The following MYOZ2 variants were observed in gnomAD, a reference collection of about 807,000 sequenced individuals.
MYOZ2 encodes the protein myozenin-2.
In MYOZ2, 19 loss-of-function variants were observed where a neutral mutation model predicts 25.4. The observed-to-expected ratio is 0.75, with a 90% CI of 0.52 to 1.10. MYOZ2 has a LOEUF of 1.10. Ranked by LOEUF, MYOZ2 falls within the 50% of genes least tolerant of loss-of-function variation. The pLI, the probability that MYOZ2 is intolerant of heterozygous loss-of-function variation, is 0.00. For synonymous variants in MYOZ2, 92 were observed against 106.9 expected, an observed-to-expected ratio of 0.86 and a Z score of 0.86; for missense variants, 270 against 317.9, an observed-to-expected ratio of 0.85 and a Z score of 1.15.
At chr4:119,150,423 C>T (rs1245252801) in intron 2 of MYOZ2, among the ~76,000 whole-genome samples, 11 of 151,424 alleles carry the variant, frequency 7.3e-5, no homozygotes, top group Non-Finnish European at 1.3e-4. Flanking sequence ...GTATTTTGAC[C>T]GAGTCTGGGA....
rs62326338 is a variant in MYOZ2 at position 119,166,742 on chromosome 4, G to A, written c.560+2348G>A. ...TGGTGCCATTTTTCCAACATCATGT[G>A]CTCACTTTGGTAATTGTCACAATAT... On this transcript the variant is annotated intron_variant, in intron 5 of 5. Coordinates refer to ENST00000307128, the MANE Select transcript of MYOZ2 (RefSeq NM_016599.5). Among the ~76,000 whole-genome samples the A allele has an allele frequency of 9.0e-3, 1,368 of 152,184 alleles. 10 individuals are homozygous for A. Among genetic ancestry groups the A allele is most frequent in the Middle Eastern group, 0.014 (4 of 294 alleles).
intron 5 of MYOZ2, among the ~76,000 whole-genome samples, chr4:119,166,890 T>C (rs892867921): frequency 6.6e-6 from 1 of 152,224 alleles, no homozygotes; most frequent in Non-Finnish European, 1.5e-5. Context: ...ACTTAATCAA[T>C]ACATGTTGTG....
At chr4:119,157,636 C>T (rs1296003021) in intron 3 of MYOZ2, among the ~76,000 whole-genome samples, 1 of 152,090 alleles carries the variant, frequency 6.6e-6, no homozygotes, top group African/African-American at 2.4e-5. Flanking sequence ...AGGCCAAATG[C>T]TTAGCCAGTA....
chr4:119,186,274 G>A lies in MYOZ2; in HGVS notation c.*74G>A. On this transcript the variant is annotated 3_prime_UTR_variant, in exon 6 of 6. Transcript: ENST00000307128. ...TTCTACTATTTTAACTACTGGCAAA[G>A]CCACTTGCATTTTTCATTAGTAGCA... 1 of 1,232,232 alleles carries A rather than the reference G, an allele frequency of 8.1e-7. No homozygotes were observed. Among genetic ancestry groups the A allele is most frequent in the Non-Finnish European group, 1.2e-6 (1 of 856,932 alleles). The allele number at this position is 1,232,232 out of a possible 1,614,324, so 76.3% of individuals were successfully genotyped here.
intron 3 of MYOZ2, among the ~76,000 whole-genome samples, chr4:119,155,833 T>A (rs1741560841): frequency 6.6e-6 from 1 of 152,036 alleles, no homozygotes; most frequent in South Asian, 2.1e-4. Flanking sequence ...CATGATAAAG[T>A]ATGAGCAATG....
At chr4:119,152,969 A>G (rs966693318) in intron 3 of MYOZ2, among the ~76,000 whole-genome samples, 2 of 152,102 alleles carry the variant, frequency 1.3e-5, no homozygotes, top group Non-Finnish European at 2.9e-5. Flanking sequence ...TGGTGTAATT[A>G]AAGGAAAATC....
At position 119,187,621 on chromosome 4, in the gene MYOZ2, T is replaced by A. The variant is rs1742335073; in HGVS notation, c.*1421T>A. On this transcript the variant is annotated 3_prime_UTR_variant, in exon 6 of 6. Coordinates refer to ENST00000307128, the MANE Select transcript of MYOZ2 (RefSeq NM_016599.5). ...ATATTATTGTAGAGAATTTGTATAT[T>A]TTTAAAGATGTCTTAAGATATCTTA... is the stretch of plus-strand genomic sequence containing the variant. The A allele has an allele frequency of 6.6e-6, 1 of 152,064 alleles. No individual in the cohort carries two copies. The allele number at this position is 152,064 out of a possible 1,614,324, so 9.4% of individuals were successfully genotyped here.
chr4:119,178,882 T>A (rs917991507), intron 5 of MYOZ2, among the ~76,000 whole-genome samples: 1 of 152,152 alleles, frequency 6.6e-6, no homozygotes, highest in Admixed American at 6.5e-5. Flanking sequence ...GCTGGGATTA[T>A]AGGCATGAGC....
At chr4:119,162,479 G>A (rs188179513) in intron 4 of MYOZ2, among the ~76,000 whole-genome samples, 15 of 152,288 alleles carry the variant, frequency 9.8e-5, no homozygotes, top group Non-Finnish European at 1.6e-4. Context: ...CAAACACCCA[G>A]GCAAGAGACA....
At chr4:119,144,774 G>A (rs1741248516) in intron 2 of MYOZ2, among the ~76,000 whole-genome samples, 1 of 151,844 alleles carries the variant, frequency 6.6e-6, no homozygotes, top group Non-Finnish European at 1.5e-5. Flanking sequence ...TTCATGTTTT[G>A]GCCCACATTC....
At chr4:119,161,235 C>A (rs994001150) in intron 4 of MYOZ2, among the ~76,000 whole-genome samples, 1 of 152,056 alleles carries the variant, frequency 6.6e-6, no homozygotes, top group African/African-American at 2.4e-5. Flanking sequence ...AATGTCTATG[C>A]AATATAGAGT....
At chr4:119,184,731 T>C (rs1234838118) in intron 5 of MYOZ2, among the ~76,000 whole-genome samples, 1 of 152,208 alleles carries the variant, frequency 6.6e-6, no homozygotes, top group Non-Finnish European at 1.5e-5. Flanking sequence ...AAAAAAGTTA[T>C]GTGGGATCTT....
chr4:119,156,419 A>T (rs907325728), intron 3 of MYOZ2, among the ~76,000 whole-genome samples: 22 of 151,982 alleles, frequency 1.4e-4, no homozygotes, highest in African/African-American at 5.1e-4. Context: ...GGCAGGTCTC[A>T]GTGCAAGGCT....
At chr4:119,157,403 T>C (rs1741603152) in intron 3 of MYOZ2, among the ~76,000 whole-genome samples, 1 of 152,178 alleles carries the variant, frequency 6.6e-6, no homozygotes, top group Admixed American at 6.5e-5. Context: ...AACAAATTTA[T>C]CAAAATTTAA....
At chr4:119,172,657 A>G (rs1459988749) in intron 5 of MYOZ2, among the ~76,000 whole-genome samples, 2 of 152,230 alleles carry the variant, frequency 1.3e-5, no homozygotes, top group African/African-American at 2.4e-5. Context: ...CACCTAAACC[A>G]TAACTTCTGA....
At chr4:119,158,800 C>A (rs372150093) in intron 4 of MYOZ2, among the ~76,000 whole-genome samples, 1 of 152,214 alleles carries the variant, frequency 6.6e-6, no homozygotes, top group Admixed American at 6.5e-5. Flanking sequence ...AACTCTATGA[C>A]ATATTAATTA....
chr4:119,151,699 G>A (rs1036464885), intron 3 of MYOZ2, among the ~76,000 whole-genome samples: 2 of 152,138 alleles, frequency 1.3e-5, no homozygotes, highest in African/African-American at 2.4e-5. Context: ...TAGTAGAAAG[G>A]CAACCAGCTT....
intron 4 of MYOZ2, among the ~76,000 whole-genome samples, chr4:119,162,512 A>C (rs375504803): frequency 1.3e-5 from 2 of 152,198 alleles, no homozygotes; most frequent in Non-Finnish European, 2.9e-5. Flanking sequence ...CCAGGGCAGG[A>C]GTAACGGAAA....
intron 4 of MYOZ2, among the ~76,000 whole-genome samples, chr4:119,161,606 G>A (rs1741711446): frequency 6.6e-6 from 1 of 151,870 alleles, no homozygotes; most frequent in Admixed American, 6.6e-5. Flanking sequence ...CTTTTCTGTA[G>A]ATAACTCAGC....
Sources: gnomAD v4.1 joint callset for allele counts (sites outside exome capture counted in the v4.1 genomes callset) on GRCh38, gnomAD v4.1.1 for gene constraint, MANE v1.5 for transcripts, NCBI Gene and HGNC (gene_info 2026-07-23, HGNC 2026-07-21) for gene names.